The following PDXDC1 variants were observed in gnomAD, a reference collection of about 807,000 sequenced individuals.
PDXDC1 encodes the protein pyridoxal dependent decarboxylase domain containing 1, also known as pyridoxal-dependent decarboxylase domain-containing protein 1.
PDXDC1 carries 42 observed loss-of-function variants against 100.1 expected under a neutral mutation model. The observed-to-expected ratio is 0.42, with a 90% CI of 0.33 to 0.54. PDXDC1 has a LOEUF of 0.54. PDXDC1 is among the 20% of genes least tolerant of loss of function. The pLI is 0.10. For synonymous variants in PDXDC1, 260 were observed against 371.7 expected (o/e 0.70, Z 3.46); for missense variants, 636 against 979.2 (o/e 0.65, Z 4.68).
chr16:14,990,121 G>A (rs1426827888), intron 1 of PDXDC1: 40 of 1,463,198 alleles, frequency 2.7e-5, no homozygotes, highest in Non-Finnish European at 3.5e-5. Flanking sequence ...CTGCTCGACA[G>A]CAGTCCCGGC....
chr16:15,094,345 G>A, intron 16 of PDXDC1: 9 of 997,846 alleles, frequency 9.0e-6, no homozygotes, highest in Non-Finnish European at 1.3e-5. Context: ...CCAATCAGCG[G>A]CCCCGCGTGG....
chr16:15,104,582 G>A (rs779033142), intron 16 of PDXDC1: 1 of 1,599,670 alleles, frequency 6.3e-7, no homozygotes, highest in East Asian at 2.2e-5. Context: ...AGGGTGGAAG[G>A]GGATAGAGCA....
At chr16:15,124,847 C>G (rs988731175) in intron 16 of PDXDC1, among the ~76,000 whole-genome samples, 37 of 151,330 alleles carry the variant, frequency 2.4e-4, no homozygotes, top group African/African-American at 8.7e-4. Context: ...ATGCTGCAGC[C>G]ATGTTCCAGC....
chr16:15,140,359 A>G (rs374918289), downstream of PDXDC1, among the ~76,000 whole-genome samples: 17 of 147,960 alleles, frequency 1.1e-4, no homozygotes, highest in East Asian at 2.6e-3. Flanking sequence ...CAGGAGAATC[A>G]CTTGAACCCG....
chr16:15,125,846 G>C, intron 16 of PDXDC1: 2 of 885,282 alleles, frequency 2.3e-6, no homozygotes, highest in South Asian at 1.4e-5. Context: ...CGGCAGCTCA[G>C]ACCTGCTCAG....
At chr16:15,018,382 C>T (rs1188532909) in intron 11 of PDXDC1, among the ~76,000 whole-genome samples, 2 of 152,226 alleles carry the variant, frequency 1.3e-5, no homozygotes, top group East Asian at 3.9e-4. Context: ...GCACTGCAGC[C>T]TGGGCGACAG....
chr16:15,122,458 G>T, intron 16 of PDXDC1, among the ~76,000 whole-genome samples: 1 of 140,790 alleles, frequency 7.1e-6, no homozygotes, highest in East Asian at 2.2e-4. Context: ...CAAGTGATCT[G>T]CCCACCTCGG....
chr16:15,109,706 G>A (rs1438773095), intron 16 of PDXDC1, among the ~76,000 whole-genome samples: 1 of 118,790 alleles, frequency 8.4e-6, no homozygotes, highest in African/African-American at 3.6e-5. Flanking sequence ...AAAAAAATTG[G>A]CCGAATGTGG....
intron 16 of PDXDC1, chr16:15,128,355 C>T (rs1465288728): frequency 2.5e-6 from 4 of 1,607,040 alleles, no homozygotes; most frequent in Non-Finnish European, 3.4e-6. Flanking sequence ...GGCTGTCCAC[C>T]CCATACAGCA....
intron 16 of PDXDC1, chr16:15,131,405 C>A: frequency 5.0e-6 from 8 of 1,605,404 alleles, no homozygotes; most frequent in South Asian, 1.1e-5. Context: ...AGCTGCACCA[C>A]GTCACTGAGG....
At chr16:15,111,554 T>TG (rs2047065976) in intron 16 of PDXDC1, among the ~76,000 whole-genome samples, 1 of 147,796 alleles carries the variant, frequency 6.8e-6, no homozygotes, top group Non-Finnish European at 1.5e-5. Context: ...GGTCAAGAGA[T>TG]GGAGACCATC....
At chr16:15,070,936 T>C (rs2045197791) in intron 16 of PDXDC1, among the ~76,000 whole-genome samples, 1 of 152,104 alleles carries the variant, frequency 6.6e-6, no homozygotes, top group Non-Finnish European at 1.5e-5. Flanking sequence ...GGGTTTTATA[T>C]ATAAAAAAGG....
chr16:15,111,492 G>A (rs2047060855), intron 16 of PDXDC1, among the ~76,000 whole-genome samples: 1 of 146,582 alleles, frequency 6.8e-6, no homozygotes, highest in African/African-American at 2.5e-5. Context: ...AGGTGTGGTA[G>A]CTCACGCCTG....
chr16:15,121,944 T>A, intron 16 of PDXDC1: 2 of 258,516 alleles, frequency 7.7e-6, no homozygotes, highest in Non-Finnish European at 1.6e-5. Context: ...AGATGGAGAC[T>A]ATCCTGGCGA....
At chr16:15,089,538 C>T (rs375836108) in intron 16 of PDXDC1, among the ~76,000 whole-genome samples, 201 of 152,226 alleles carry the variant, frequency 1.3e-3, no homozygotes, top group Middle Eastern at 3.4e-3. Flanking sequence ...TGGTTACTCA[C>T]GCCTCTAATC....
chr16:15,094,656 G>A (rs986053653), intron 16 of PDXDC1: 9 of 254,408 alleles, frequency 3.5e-5, no homozygotes, highest in African/African-American at 2.1e-4. Context: ...GAACCCGGCT[G>A]ACCCAGGAGC....
At chr16:15,070,521 G>A (rs1418234608) in intron 16 of PDXDC1, among the ~76,000 whole-genome samples, 1 of 152,018 alleles carries the variant, frequency 6.6e-6, no homozygotes, top group Non-Finnish European at 1.5e-5. Flanking sequence ...TGGAAAGCAG[G>A]TTCTCCTAAC....
chr16:15,111,392 G>C (rs556828032), intron 16 of PDXDC1, among the ~76,000 whole-genome samples: 1 of 141,482 alleles, frequency 7.1e-6, no homozygotes, highest in East Asian at 2.1e-4. Context: ...GCAGGAAAAA[G>C]TTGTGTTGAG....
At chr16:14,986,393 C>T (rs1404976255) in intron 1 of PDXDC1, among the ~76,000 whole-genome samples, 3 of 152,244 alleles carry the variant, frequency 2.0e-5, no homozygotes, top group Non-Finnish European at 2.9e-5. Flanking sequence ...CACTTGAACC[C>T]GGGAGGCGGA....
Sources: gnomAD v4.1 joint callset for allele counts (sites outside exome capture counted in the v4.1 genomes callset) on GRCh38, gnomAD v4.1.1 for gene constraint, MANE v1.5 for transcripts, NCBI Gene and HGNC (gene_info 2026-07-23, HGNC 2026-07-21) for gene names.